The following SCN2A variants were observed in gnomAD, a reference collection of about 807,000 sequenced individuals.
The protein encoded by SCN2A is sodium channel protein type 2 subunit alpha.
Under a neutral mutation model 188.7 loss-of-function variants are expected in SCN2A, and 20 were observed. The ratio of observed to expected loss-of-function variants is 0.11; its 90% confidence interval spans 0.07 to 0.15. The LOEUF (loss-of-function observed/expected upper bound fraction) is 0.15, where lower values mean the gene tolerates loss of function less well. Ranked by LOEUF, SCN2A falls within the 10% of genes least tolerant of loss-of-function variation. The probability of loss-of-function intolerance (pLI) is 1.00; values close to 1 mark genes in which losing one functional copy is unlikely to be tolerated. For missense variants in SCN2A, 1,278 were observed against 2,445.0 expected (o/e 0.52, Z 10.07); for synonymous variants, 804 against 833.1 (o/e 0.97, Z 0.60).
intron 14 of SCN2A, among the ~76,000 whole-genome samples, chr2:165,334,254 C>G (rs1239688895): frequency 1.3e-5 from 2 of 151,624 alleles, no homozygotes; most frequent in African/African-American, 4.8e-5. Flanking sequence ...GAAGGGAATA[C>G]TTCTCACCTC....
At position 165,256,000 on chromosome 2, in the gene SCN2A, C is replaced by CTTTTTTTTTTTTTTT. The variant is rs765804959; in HGVS notation, c.-52+16366_-52+16380dup. On this transcript the variant is annotated intron_variant, in intron 1 of 26. Transcript: ENST00000375437. ...AAATGTTTTCATTTGGGGCTCTTTT[C>CTTTTTTTTTTTTTTT]TTTTTTTTTTTTTTTTTTTTGGTGA... Among the ~76,000 whole-genome samples, 12 of 88,486 alleles carry CTTTTTTTTTTTTTTT rather than the reference C, an allele frequency of 1.4e-4. 2 individuals carry two copies. The highest frequency in any genetic ancestry group is 5.3e-4 in the African/African-American group (11 of 20,574). The allele number at this position is 88,486 out of a possible 152,430, so 58.1% of individuals were successfully genotyped here. A position where few individuals can be genotyped will look rare whatever the true frequency, so the allele number is the denominator to read the frequency against.
At chr2:165,252,292 C>CT (rs1694130468) in intron 1 of SCN2A, among the ~76,000 whole-genome samples, 1 of 151,914 alleles carries the variant, frequency 6.6e-6, no homozygotes, top group Non-Finnish European at 1.5e-5. Flanking sequence ...ATAGAGGGGA[C>CT]TTTCTGTCAA....
intron 1 of SCN2A, chr2:165,272,542 C>G (rs2106107504): frequency 6.6e-6 from 1 of 151,906 alleles, no homozygotes; most frequent in African/African-American, 2.4e-5. Flanking sequence ...AATATTATAC[C>G]CAACAACTTC....
intron 20 of SCN2A, chr2:165,370,980 A>C (rs1991774): frequency 0.21 from 31,617 of 152,582 alleles, 3,990 homozygotes; most frequent in East Asian, 0.34. Flanking sequence ...ACAATAAATA[A>C]TATTTAGAAC....
intron 1 of SCN2A, among the ~76,000 whole-genome samples, chr2:165,260,043 C>A (rs1320969132): frequency 2.0e-5 from 3 of 150,566 alleles, no homozygotes; most frequent in Non-Finnish European, 4.4e-5. Flanking sequence ...TTCTGGGTTC[C>A]CGCCATTCTC....
intron 1 of SCN2A, chr2:165,293,927 G>C (rs1574520360): frequency 1.0e-6 from 1 of 963,184 alleles, no homozygotes; most frequent in African/African-American, 2.0e-5. Flanking sequence ...CCATTTTGTA[G>C]TCCCTGTACA....
chr2:165,261,613 A>G (rs750165331), intron 1 of SCN2A, among the ~76,000 whole-genome samples: 9 of 152,350 alleles, frequency 5.9e-5, no homozygotes, highest in Non-Finnish European at 8.8e-5. Context: ...TACACCAATG[A>G]GTTGAGATCA....
In SCN2A at chr2:165,370,271, G is replaced by T; in HGVS notation, c.3821G>T (p.Trp1274Leu). 1 of 1,614,120 alleles carries T rather than the reference G, an allele frequency of 6.2e-7. No individual in the cohort carries two copies. Among genetic ancestry groups the T allele is most frequent in the Non-Finnish European group, 8.5e-7 (1 of 1,180,004 alleles). ...YGFQVYFTNA[W>L]CWLDFLIVDV... ...TTTCAAGTGTATTTTACCAATGCCT[G>T]GTGCTGGCTAGACTTCCTGATTGTT... Residue 1274 changes from tryptophan (W) to leucine (L), a missense_variant, in exon 20 of 27, where the codon TGG becomes TTG. This residue lies in a region of SCN2A where 39 missense variants were observed against 130.2 expected (regional missense o/e 0.30). Coordinates refer to ENST00000375437, the MANE Select transcript of SCN2A (RefSeq NM_001040142.2).
At chr2:165,337,894 G>A (rs376306186) in intron 14 of SCN2A, among the ~76,000 whole-genome samples, 1 of 152,116 alleles carries the variant, frequency 6.6e-6, no homozygotes, top group Admixed American at 6.6e-5. Flanking sequence ...AAATACGAAA[G>A]ACTATCTTTT....
intron 17 of SCN2A, among the ~76,000 whole-genome samples, chr2:165,359,295 C>T (rs916933230): frequency 3.3e-5 from 5 of 152,028 alleles, no homozygotes; most frequent in African/African-American, 7.2e-5. Flanking sequence ...ATTAATTCTT[C>T]AGAAAAGCAT....
chr2:165,308,930 T>A, intron 5 of SCN2A, 136 bp downstream of exon 5: 1 of 1,253,822 alleles, frequency 8.0e-7, no homozygotes, highest in Non-Finnish European at 1.1e-6. Context: ...AATCAAATTA[T>A]CCAGTTTGGA....
At chr2:165,289,009 T>C (rs1280880004) in intron 1 of SCN2A, among the ~76,000 whole-genome samples, 1 of 152,248 alleles carries the variant, frequency 6.6e-6, no homozygotes, top group South Asian at 2.1e-4. Context: ...CTTTCCTTAG[T>C]GTTTTCAGCT....
At chr2:165,336,138 G>A (rs1698978140) in intron 14 of SCN2A, among the ~76,000 whole-genome samples, 1 of 151,816 alleles carries the variant, frequency 6.6e-6, no homozygotes, top group South Asian at 2.1e-4. Context: ...GAATGGTTAT[G>A]CTTTACTTTG....
At position 165,344,770 on chromosome 2, in the gene SCN2A, T is replaced by G; in HGVS notation, c.2778T>G (p.His926Gln). The G allele has an allele frequency of 6.2e-7, 1 of 1,614,186 alleles. No individual in the cohort carries two copies. Among genetic ancestry groups the G allele is most frequent in the South Asian group, 1.1e-5 (1 of 91,082 alleles). Residue 926 changes from histidine to glutamine, a missense_variant, in exon 16 of 27, where the codon CAT (histidine) becomes CAG (glutamine). His to Gln is a conservative substitution (Grantham distance 24, BLOSUM62 0). Around this residue, in one of 17 missense-constraint regions of SCN2A, gnomAD observed 83 missense variants for 256.8 expected, o/e 0.32. Coordinates refer to ENST00000375437, the MANE Select transcript of SCN2A (RefSeq NM_001040142.2). ...NDCELPRWHM[H>Q]DFFHSFLIVF... is the part of the protein sequence containing the mutation. ...GTGAACTCCCACGCTGGCACATGCA[T>G]GACTTTTTCCACTCCTTCCTGATCG...
At chr2:165,299,297 C>T (rs1018667929) in intron 3 of SCN2A, among the ~76,000 whole-genome samples, 4 of 152,072 alleles carry the variant, frequency 2.6e-5, no homozygotes, top group Non-Finnish European at 5.9e-5. Flanking sequence ...TATTTGCTTC[C>T]TGGGGGAAAG....
At position 165,353,161 on chromosome 2, in the gene SCN2A, T is replaced by C. The variant is rs73969375; in HGVS notation, c.2920-1031T>C. 4.1e-3 allele frequency among the ~76,000 whole-genome samples: 626 copies of C among 152,254 alleles called. 3 individuals carry two copies. The highest frequency in any genetic ancestry group is 0.012 in the African/African-American group (510 of 41,550). ...CCAATTTGCAGACTGATTACTGTCC[T>C]TATTCATGGCAATACTTCAACTCCA... On this transcript the variant is annotated intron_variant, in intron 16 of 26. Transcript: ENST00000375437.
intron 18 of SCN2A, among the ~76,000 whole-genome samples, chr2:165,366,749 T>C (rs149414934): frequency 7.2e-4 from 109 of 150,910 alleles, no homozygotes; most frequent in African/African-American, 2.6e-3. Context: ...AATAGTTATA[T>C]TAATTATAGT....
In SCN2A at chr2:165,386,947, C is replaced by T. The variant is rs1488259744; in HGVS notation, c.4753C>T (p.Leu1585Phe). Reference protein sequence around the residue: ...TGECVLKLISLRYYYFTIGWN... With the variant: ...TGECVLKLISFRYYYFTIGWN... ...AGAATGTGTGCTGAAACTGATCTCT[C>T]TTCGTTACTACTATTTCACTATTGG... The change falls in exon 26 of 27, where the codon CTT (leucine) becomes TTT (phenylalanine). Residue 1585 changes from leucine to phenylalanine, a missense_variant. Leu to Phe is a conservative substitution (Grantham distance 22). Around this residue, in one of 17 missense-constraint regions of SCN2A, gnomAD observed 97 missense variants for 266.1 expected, o/e 0.36. Transcript: ENST00000375437. 1 of 1,613,682 alleles carries T rather than the reference C, an allele frequency of 6.2e-7. No homozygotes were observed. The highest frequency in any genetic ancestry group is 8.5e-7 in the Non-Finnish European group (1 of 1,179,814).
intron 1 of SCN2A, among the ~76,000 whole-genome samples, chr2:165,282,464 G>A (rs973037250): frequency 1.1e-4 from 17 of 152,204 alleles, no homozygotes; most frequent in African/African-American, 4.1e-4. Flanking sequence ...CTGCTCCAAT[G>A]AGTACAACAT....
Sources: gnomAD v4.1 joint callset for allele counts (sites outside exome capture counted in the v4.1 genomes callset) on GRCh38, gnomAD v4.1.1 for gene constraint, gnomAD v4.1.1 regional missense constraint, MANE v1.5 for transcripts, NCBI Gene and HGNC (gene_info 2026-07-23, HGNC 2026-07-21) for gene names.